RYR2: variants seen among roughly 807,000 people sequenced by gnomAD.
RYR2 encodes the protein ryanodine receptor 2.
Under a neutral mutation model 601.1 loss-of-function variants are expected in RYR2, and 227 were observed. That is an observed-to-expected ratio of 0.38 (90% CI 0.34 to 0.42). The LOEUF (loss-of-function observed/expected upper bound fraction) is 0.42, where lower values mean the gene tolerates loss of function less well. Among genes scored for constraint, RYR2 ranks in the 10% least tolerant of loss-of-function variants. The pLI, the probability that RYR2 is intolerant of heterozygous loss-of-function variation, is 1.00. For synonymous variants in RYR2, 2,223 were observed against 2,175.1 expected (o/e 1.02, Z -0.61); for missense variants, 4,646 against 6,156.5 (o/e 0.75, Z 8.21).
chr1:237,806,911 AG>A (rs1255389163), intron 99 of RYR2, among the ~76,000 whole-genome samples: 5 of 152,232 alleles, frequency 3.3e-5, no homozygotes, highest in African/African-American at 1.2e-4. Context: ...AGCATATTGC[AG>A]AAGTGTGCAC....
chr1:237,792,366 T>TGTGTGCGCGC (rs1553327290), intron 94 of RYR2, 43 bp downstream of exon 94: 562 of 804,302 alleles, frequency 7.0e-4, no homozygotes, highest in East Asian at 1.3e-3. Flanking sequence ...TGTGTGTGTG[T>TGTGTGCGCGC]GTGTGTGTGT....
intron 24 of RYR2, among the ~76,000 whole-genome samples, chr1:237,527,961 C>G (rs561516749): frequency 3.3e-4 from 51 of 152,268 alleles, no homozygotes; most frequent in Middle Eastern, 3.4e-3. Flanking sequence ...GCTTTGTCCC[C>G]CTGGCCCATG....
At chr1:237,733,646 C>T (rs909650385) in intron 78 of RYR2, 59 bp from the exon 79 acceptor site, 38 of 1,053,562 alleles carry the variant, frequency 3.6e-5, no homozygotes, top group East Asian at 7.1e-5. Context: ...AGCGATGATA[C>T]GTGTGCATGT....
intron 1 of RYR2, among the ~76,000 whole-genome samples, chr1:237,169,956 C>T (rs1439705238): frequency 1.3e-5 from 2 of 151,978 alleles, no homozygotes; most frequent in East Asian, 1.9e-4. Context: ...TTTATTCATT[C>T]ATTGAGTGCT....
intron 62 of RYR2, among the ~76,000 whole-genome samples, chr1:237,685,646 CTT>C (rs1188223687): frequency 1.3e-5 from 2 of 152,168 alleles, no homozygotes; most frequent in African/African-American, 4.8e-5. Flanking sequence ...GAATTATTCT[CTT>C]TAGAAAAAGG....
chr1:237,047,593 C>G (rs951049471), intron 1 of RYR2, among the ~76,000 whole-genome samples: 1 of 152,108 alleles, frequency 6.6e-6, no homozygotes, highest in Non-Finnish European at 1.5e-5. Context: ...AATTTACTTT[C>G]CAGGATGTTG....
intron 1 of RYR2, among the ~76,000 whole-genome samples, chr1:237,162,717 C>T (rs933197811): frequency 5.9e-5 from 9 of 152,034 alleles, no homozygotes; most frequent in Non-Finnish European, 8.8e-5. Context: ...ACTGCAGGCA[C>T]AGGCAGGGAA....
At chr1:237,621,265 C>G (rs1218026886) in intron 38 of RYR2, among the ~76,000 whole-genome samples, 1 of 151,948 alleles carries the variant, frequency 6.6e-6, no homozygotes, top group Non-Finnish European at 1.5e-5. Context: ...AAAGCAAGGC[C>G]AAGAGGGAAA....
At position 237,701,421 on chromosome 1, in the gene RYR2, C is replaced by T. The variant is rs113805667; in HGVS notation, c.9368-557C>T. On this transcript the variant is annotated intron_variant, in intron 65 of 104. Transcript: ENST00000366574. ...TGGTGCACACCTGTAATCCCAGCTA[C>T]TCGGGAGGCTGAGACAAGATAATCA... Among the ~76,000 whole-genome samples the T allele has an allele frequency of 1.5e-3, 222 of 152,120 alleles. 2 individuals are homozygous for T. Among genetic ancestry groups the T allele is most frequent in the African/African-American group, 4.7e-3 (195 of 41,488 alleles).
intron 25 of RYR2, among the ~76,000 whole-genome samples, chr1:237,547,703 T>G (rs776982568): frequency 1.3e-5 from 2 of 152,212 alleles, no homozygotes; most frequent in African/African-American, 2.4e-5. Flanking sequence ...ATTGAAAAGT[T>G]AATATTTTCA....
At chr1:237,331,414 T>C (rs1331371412) in intron 3 of RYR2, among the ~76,000 whole-genome samples, 2 of 152,238 alleles carry the variant, frequency 1.3e-5, no homozygotes, top group African/African-American at 4.8e-5. Flanking sequence ...GGCACTGTTA[T>C]ATATTTTAAG....
In RYR2 at chr1:237,550,387, G is replaced by C. The variant is rs13373910; in HGVS notation, c.3067-157G>C. Among the ~76,000 whole-genome samples, 1,046 of 152,192 alleles carry C rather than the reference G, an allele frequency of 6.9e-3. 9 individuals carry two copies. The highest frequency in any genetic ancestry group is 0.024 in the African/African-American group (982 of 41,528). Reference sequence around the variant, plus strand: ...TTCATTTGATTGAATCCTGTATATTGATAGTGTTTTGGTAACTTTGCAGCC... The same window carrying C: ...TTCATTTGATTGAATCCTGTATATTCATAGTGTTTTGGTAACTTTGCAGCC... On this transcript the variant is annotated intron_variant, in intron 26 of 104. Transcript: ENST00000366574.
chr1:237,091,807 T>G (rs1280176866), intron 1 of RYR2, among the ~76,000 whole-genome samples: 1 of 152,160 alleles, frequency 6.6e-6, no homozygotes, highest in Non-Finnish European at 1.5e-5. Context: ...CCTTGCCCTT[T>G]AAATTCCAGG....
chr1:237,150,074 T>G (rs1674543590), intron 1 of RYR2, among the ~76,000 whole-genome samples: 1 of 152,258 alleles, frequency 6.6e-6, no homozygotes, highest in South Asian at 2.1e-4. Flanking sequence ...CCAAGTATTC[T>G]CTGTGCATTG....
At chr1:237,651,816 T>C (rs921842663) in intron 51 of RYR2, among the ~76,000 whole-genome samples, 4 of 151,802 alleles carry the variant, frequency 2.6e-5, no homozygotes, top group African/African-American at 7.3e-5. Context: ...GGTGGGCGGA[T>C]CACGAGGTTA....
At chr1:237,718,847 A>G (rs1358598811) in intron 73 of RYR2, among the ~76,000 whole-genome samples, 1 of 152,192 alleles carries the variant, frequency 6.6e-6, no homozygotes, top group Admixed American at 6.5e-5. Flanking sequence ...TTACATATGT[A>G]TACATGTGCC....
intron 1 of RYR2, among the ~76,000 whole-genome samples, chr1:237,260,026 T>C (rs1688365891): frequency 6.6e-6 from 1 of 152,222 alleles, no homozygotes; most frequent in African/African-American, 2.4e-5. Flanking sequence ...TTTTAGTTCA[T>C]GCATACAAGG....
chr1:237,781,803 GT>G lies in RYR2; in HGVS notation c.11962+166del, dbSNP rs202060060. The stretch of plus-strand genomic sequence containing the variant: ...GCTTATTATTCTTTTTCTCACATTA[GT>G]TTTTTTTTAAAGGGAGATCCTGCAT... On this transcript the variant is annotated intron_variant, in intron 89 of 104. Transcript: ENST00000366574. Among the ~76,000 whole-genome samples, 33 of 151,382 alleles carry G rather than the reference GT, an allele frequency of 2.2e-4. 1 individual carries two copies. Among genetic ancestry groups the G allele is most frequent in the Admixed American group, 1.8e-3 (27 of 15,180 alleles).
At chr1:237,276,236 A>G (rs1366571866) in intron 2 of RYR2, among the ~76,000 whole-genome samples, 1 of 152,124 alleles carries the variant, frequency 6.6e-6, no homozygotes, top group Non-Finnish European at 1.5e-5. Flanking sequence ...AGTTGCTGAG[A>G]TTACAGGCAC....
Sources: allele counts gnomAD v4.1 joint callset (sites outside exome capture counted in the v4.1 genomes callset), GRCh38; gene constraint gnomAD v4.1.1; transcripts MANE v1.5; gene names NCBI Gene and HGNC (gene_info 2026-07-23, HGNC 2026-07-21).